The following GON4L variants were observed in gnomAD, a reference collection of about 807,000 sequenced individuals.
GON4L encodes the protein GON-4-like protein.
In GON4L, 87 loss-of-function variants were observed where a neutral mutation model predicts 211.8. That is an observed-to-expected ratio of 0.41 (90% CI 0.35 to 0.49). The LOEUF (loss-of-function observed/expected upper bound fraction) is 0.49. Ranked by LOEUF, GON4L falls within the 20% of genes least tolerant of loss-of-function variation. GON4L has a pLI of 0.15. For synonymous variants in GON4L, 875 were observed against 962.6 expected, an observed-to-expected ratio of 0.91 and a Z score of 1.68; for missense variants, 2,155 against 2,659.5, an observed-to-expected ratio of 0.81 and a Z score of 4.17.
chr1:155,785,145 TGTATATAATCAA>T (rs1239009733), intron 13 of GON4L, 177 bp downstream of exon 13: 2 of 688,708 alleles, frequency 2.9e-6, no homozygotes, highest in Non-Finnish European at 5.4e-6. Flanking sequence ...ACAACATACA[TGTATATAATCAA>T]GAGTCTAGTA....
intron 2 of GON4L, among the ~76,000 whole-genome samples, chr1:155,835,000 G>A (rs2102372776): frequency 6.6e-6 from 1 of 152,264 alleles, no homozygotes; most frequent in Middle Eastern, 3.4e-3. Flanking sequence ...ATTGAGAACG[G>A]GCCATGATGA....
chr1:155,782,140 CT>C (rs142606588), intron 14 of GON4L, among the ~76,000 whole-genome samples: 4,222 of 152,088 alleles, frequency 0.028, 198 homozygotes, highest in African/African-American at 0.093. Context: ...TTGTTTTGTT[CT>C]TTTTTTTCCT....
chr1:155,746,519 A>C, downstream of GON4L: 1 of 382,326 alleles, frequency 2.6e-6, no homozygotes. Flanking sequence ...AGTGCTGGAG[A>C]GATGGTGACA....
intron 4 of GON4L, 36 bp from the exon 5 acceptor site, chr1:155,821,584 G>C: frequency 7.9e-7 from 1 of 1,264,112 alleles, no homozygotes. Context: ...ATGCAACAAG[G>C]GTTTGTCACC....
Position 155,853,378 on chromosome 1 carries a change from T to C in GON4L, c.403A>G (p.Thr135Ala), listed in dbSNP as rs1334699960. The change falls in exon 2 of 32, where the codon ACA becomes GCA. Residue 135 changes from threonine (T) to alanine (A), a missense_variant. Physicochemically the swap from Thr to Ala is moderately conservative, Grantham distance 58. Around this residue, in one of 6 missense-constraint regions of GON4L, gnomAD observed 313 missense variants for 293.2 expected, o/e 1.07. Transcript: ENST00000368331. ...TGGGTAACTGGCCCAGGCCTGAGTG[T>C]CATTTTTTTCCCTCTCTTTGAGCCA... ...ATGSKRGKKM[T>A]LRPGPVTQED... 1 of 1,614,164 alleles carries C rather than the reference T, an allele frequency of 6.2e-7. No homozygotes were observed. Among genetic ancestry groups the C allele is most frequent in the Non-Finnish European group, 8.5e-7 (1 of 1,180,022 alleles).
At chr1:155,774,962 C>G in intron 17 of GON4L, 40 bp downstream of exon 17, 1 of 1,602,932 alleles carries the variant, frequency 6.2e-7, no homozygotes, top group Non-Finnish European at 8.5e-7. Flanking sequence ...CCACCTCTCA[C>G]CGCAAGTAAA....
Position 155,765,057 on chromosome 1 carries a change from C to G in GON4L, c.4416G>C (p.Glu1472Asp), listed in dbSNP as rs200788177. 2 of 1,614,138 alleles carry G rather than the reference C, an allele frequency of 1.2e-6. No homozygotes were observed. Residue 1472 changes from glutamate to aspartate, a missense_variant, in exon 21 of 32, where the codon GAG becomes GAC. Coordinates refer to ENST00000368331, the MANE Select transcript of GON4L (RefSeq NM_001282860.2). ...CAGAAGCTGATGACATTTCATCTTCCTCATCTTGGGTGAGGTCATCAAAGT... is the reference window on the plus strand; with the variant it reads ...CAGAAGCTGATGACATTTCATCTTCGTCATCTTGGGTGAGGTCATCAAAGT... ...EEDFDDLTQD[E>D]EDEMSSASEE... is the part of the protein sequence containing the mutation.
intron 11 of GON4L, among the ~76,000 whole-genome samples, chr1:155,802,967 A>C (rs1405095649): frequency 3.3e-5 from 5 of 152,170 alleles, no homozygotes; most frequent in South Asian, 2.1e-4. Flanking sequence ...CACACACACA[A>C]AAAAGTACAA....
chr1:155,855,833 T>G (rs528559347), intron 1 of GON4L, among the ~76,000 whole-genome samples: 1 of 151,916 alleles, frequency 6.6e-6, no homozygotes, highest in Admixed American at 6.6e-5. Flanking sequence ...AATACAAAAA[T>G]TAGCCGGGCA....
chr1:155,745,795 G>C (rs1227680843), downstream of GON4L: 3 of 616,760 alleles, frequency 4.9e-6, no homozygotes, highest in Non-Finnish European at 8.7e-6. Context: ...GAGCGGCGCG[G>C]CTGAGGCGCG....
intron 12 of GON4L, among the ~76,000 whole-genome samples, chr1:155,791,937 C>G (rs796640072): frequency 8.2e-6 from 1 of 122,380 alleles, no homozygotes; most frequent in Non-Finnish European, 1.9e-5. Context: ...CATAACATAA[C>G]ATAACATAAA....
At position 155,765,067 on chromosome 1, in the gene GON4L, G is replaced by A. The variant is rs1326299928; in HGVS notation, c.4406C>T (p.Thr1469Ile). The A allele has an allele frequency of 1.2e-6, 2 of 1,614,096 alleles. No individual in the cohort carries two copies. The highest frequency in any genetic ancestry group is 1.7e-6 in the Non-Finnish European group (2 of 1,180,002). The change falls in exon 21 of 32, where the codon ACC (threonine) becomes ATC (isoleucine). Residue 1469 changes from threonine (T) to isoleucine (I), a missense_variant. Physicochemically the swap from Thr to Ile is moderately conservative, Grantham distance 89. Coordinates refer to ENST00000368331, the MANE Select transcript of GON4L (RefSeq NM_001282860.2). ...EEEEEDFDDL[T>I]QDEEDEMSSA... ...TGACATTTCATCTTCCTCATCTTGG[G>A]TGAGGTCATCAAAGTCCTCTTCTTC...
In GON4L at chr1:155,754,499, C is replaced by G; in HGVS notation, c.5518-11G>C. ...TGGCCATTCAGTCTCCTAGGAGATA[C>G]TTGGGCTTGATTAGCTGCCAAGTTG... On this transcript the variant is annotated splice_polypyrimidine_tract_variant and intron_variant, in intron 27 of 31. Coordinates refer to ENST00000368331, the MANE Select transcript of GON4L (RefSeq NM_001282860.2). 1.8e-6 allele frequency: 2 copies of G among 1,108,888 alleles called. No individual in the cohort carries two copies. The highest frequency in any genetic ancestry group is 2.7e-6 in the Non-Finnish European group (2 of 739,560). The allele number at this position is 1,108,888 out of a possible 1,614,324, so 68.7% of individuals were successfully genotyped here.
Position 155,763,451 on chromosome 1 carries a change from T to TTCC in GON4L, c.4584_4586dup (p.Glu1531dup). ...GGCTTTCCATTCCTTCTGCTTCTTC[T>TTCC]TCCTCCTCTTCTTCTGGCTCAGAGT... On this transcript the variant is annotated inframe_insertion, in exon 22 of 32. Coordinates refer to ENST00000368331, the MANE Select transcript of GON4L (RefSeq NM_001282860.2). 6.4e-7 allele frequency: 1 copy of TTCC among 1,557,686 alleles called. No individual in the cohort carries two copies. Among genetic ancestry groups the TTCC allele is most frequent in the East Asian group, 2.4e-5 (1 of 41,650 alleles).
intron 6 of GON4L, among the ~76,000 whole-genome samples, chr1:155,818,796 GA>G (rs1402572212): frequency 6.6e-6 from 1 of 151,156 alleles, no homozygotes. Flanking sequence ...GGGTCAATTG[GA>G]AACCAGCCTG....
At chr1:155,852,729 C>T (rs748730458) in intron 2 of GON4L, among the ~76,000 whole-genome samples, 1 of 151,888 alleles carries the variant, frequency 6.6e-6, no homozygotes, top group South Asian at 2.1e-4. Flanking sequence ...GGTGACAGAG[C>T]GAGACTCCGT....
At position 155,758,268 on chromosome 1, in the gene GON4L, G is replaced by A. The variant is rs373425292; in HGVS notation, c.5110-234C>T. ...GATGTGAGCAACAGCTTCAAGAGAT[G>A]TATATATTTCAAGTTGTTTGCTGTT... On this transcript the variant is annotated intron_variant, in intron 24 of 31. Coordinates refer to ENST00000368331, the MANE Select transcript of GON4L (RefSeq NM_001282860.2). Among the ~76,000 whole-genome samples, 31 of 152,294 alleles carry A rather than the reference G, an allele frequency of 2.0e-4. No individual in the cohort carries two copies. In the South Asian group the frequency reaches 6.2e-3, roughly 31 times the overall value.
Position 155,816,224 on chromosome 1 carries a change from G to T in GON4L, c.1053C>A (p.Ala351=). 2 of 1,338,910 alleles carry T rather than the reference G, an allele frequency of 1.5e-6. No homozygotes were observed. The highest frequency in any genetic ancestry group is 2.1e-6 in the Non-Finnish European group (2 of 931,052). 82.9% of individuals were successfully genotyped at this position (1,338,910 alleles called of 1,614,324 possible). ...PTWNISPIKK[A]NEIKPPQFVD... ...CTTCCAAGTTTACCTTAATTTCATTGGCCTTCTTAATTGGTGAAATATTCC... is the reference window on the plus strand; with the variant it reads ...CTTCCAAGTTTACCTTAATTTCATTTGCCTTCTTAATTGGTGAAATATTCC... The change falls in exon 7 of 32, where the codon GCC becomes GCA. Residue 351 remains alanine (A), a synonymous_variant. Coordinates refer to ENST00000368331, the MANE Select transcript of GON4L (RefSeq NM_001282860.2).
chr1:155,762,765 C>T (rs778515591), intron 22 of GON4L, among the ~76,000 whole-genome samples: 9 of 152,168 alleles, frequency 5.9e-5, no homozygotes, highest in South Asian at 2.1e-4. Flanking sequence ...CTGCCAGGCA[C>T]AGTGGCTCAC....
Sources: gnomAD v4.1 joint callset for allele counts (sites outside exome capture counted in the v4.1 genomes callset) on GRCh38, gnomAD v4.1.1 for gene constraint, gnomAD v4.1.1 regional missense constraint, MANE v1.5 for transcripts, NCBI Gene and HGNC (gene_info 2026-07-23, HGNC 2026-07-21) for gene names.